Variants in ZBTB17 observed in about 807,000 individuals in gnomAD.
ZBTB17 encodes zinc finger and BTB domain-containing protein 17.
Under a neutral mutation model 85.1 loss-of-function variants are expected in ZBTB17, and 24 were observed. The observed-to-expected ratio is 0.28, with a 90% CI of 0.20 to 0.40. The LOEUF is 0.40. ZBTB17 is among the 10% of genes least tolerant of loss of function. ZBTB17 has a pLI of 1.00. For synonymous variants in ZBTB17, 464 were observed against 460.2 expected, an observed-to-expected ratio of 1.01 and a Z score of -0.11; for missense variants, 743 against 1,105.1, an observed-to-expected ratio of 0.67 and a Z score of 4.65.
chr1:15,960,628 G>C (rs1367528155), intron 2 of ZBTB17, among the ~76,000 whole-genome samples: 1 of 152,148 alleles, frequency 6.6e-6, no homozygotes, highest in African/African-American at 2.4e-5. Context: ...GATGGTAACC[G>C]CCACCTTCTT....
chr1:15,945,393 C>T (rs565169222), intron 6 of ZBTB17, among the ~76,000 whole-genome samples, 191 bp from the exon 7 acceptor site: 4 of 152,176 alleles, frequency 2.6e-5, no homozygotes, highest in Non-Finnish European at 5.9e-5. Context: ...CTGGGGTGGG[C>T]GCTGTCGGCC....
chr1:15,971,372 A>ACACACAC, intron 2 of ZBTB17, among the ~76,000 whole-genome samples: 1 of 112,364 alleles, frequency 8.9e-6, no homozygotes, highest in Admixed American at 8.3e-5. Flanking sequence ...ATATATATAT[A>ACACACAC]TACACACACT....
rs920779925 is a variant in ZBTB17 at position 15,952,016 on chromosome 1, G to A, written c.-2-3519C>T. 2.0e-5 allele frequency among the ~76,000 whole-genome samples: 3 copies of A among 152,178 alleles called. No individual in the cohort carries two copies. Among genetic ancestry groups the A allele is most frequent in the Non-Finnish European group, 4.4e-5 (3 of 68,036 alleles). On this transcript the variant is annotated intron_variant, in intron 2 of 15. Transcript: ENST00000375743. This position sits in a 1 kb window ranked among gnomAD's most constrained non-coding sequence, Gnocchi z 4.3. ...CGGTGCCCATCGCTCAAGCACAAGT[G>A]TCAAGGTCTGTGGTCTTGTCTTCAC...
Position 15,943,383 on chromosome 1 carries a change from G to A in ZBTB17, c.1697+16C>T. 6.3e-7 allele frequency: 1 copy of A among 1,585,906 alleles called. No individual in the cohort carries two copies. Among genetic ancestry groups the A allele is most frequent in the South Asian group, 1.2e-5 (1 of 86,068 alleles). On this transcript the variant is annotated intron_variant, in intron 12 of 15. Transcript: ENST00000375743. ...GTGGGGTGTCTGGCCAGTGGGTGTG[G>A]GGGAGGGGGCAGGACCTCTTGCCGC...
intron 4 of ZBTB17, 85 bp downstream of exon 4, chr1:15,946,850 T>A: frequency 6.8e-7 from 1 of 1,476,742 alleles, no homozygotes; most frequent in Non-Finnish European, 9.1e-7. Context: ...ATGAGGAAAC[T>A]GAGACCCAGA....
chr1:15,942,333 T>G lies in ZBTB17; in HGVS notation c.2126A>C (p.Glu709Ala). ...ISKAVKQVQE[E>A]DPNTHILYAC... The stretch of plus-strand genomic sequence containing the variant: ...CACACCCGGGTGGCCCCCCTCACCT[T>G]CTTCCTGCACTTGCTTCACAGCTTT... The change falls in exon 15 of 16, where the codon GAA becomes GCA. Residue 709 changes from glutamate to alanine, a missense_variant and splice_region_variant. This residue lies in a region of ZBTB17 where 321 missense variants were observed against 615.7 expected (regional missense o/e 0.52). Coordinates refer to ENST00000375743, the MANE Select transcript of ZBTB17 (RefSeq NM_003443.3). The G allele has an allele frequency of 6.2e-7, 1 of 1,613,974 alleles. No homozygotes were observed. Among genetic ancestry groups the G allele is most frequent in the Non-Finnish European group, 8.5e-7 (1 of 1,180,008 alleles).
At position 15,944,758 on chromosome 1, in the gene ZBTB17, G is replaced by T; in HGVS notation, c.1009C>A (p.Arg337=). The change falls in exon 8 of 16, where the codon CGG becomes AGG. Residue 337 remains arginine, a synonymous_variant. Coordinates refer to ENST00000375743, the MANE Select transcript of ZBTB17 (RefSeq NM_003443.3). The part of the protein sequence containing the change: ...IHTGEKPFSC[R]ECSKAFSDPA... The stretch of plus-strand genomic sequence containing the variant: ...TCGGAAAAGGCCTTGCTGCACTCCC[G>T]GCACGAGAAGGGCTTCTCCCCCGTG... 6.2e-7 allele frequency: 1 copy of T among 1,612,762 alleles called. No individual in the cohort carries two copies. The highest frequency in any genetic ancestry group is 8.5e-7 in the Non-Finnish European group (1 of 1,179,830).
Position 15,947,136 on chromosome 1 carries a change from G to A in ZBTB17, c.206-13C>T, listed in dbSNP as rs1462447450. ...ACCTGCCCCAGGCCTACCAAGGACA[G>A]GACAGCTGTCACAGACCCACCTCAA... is the stretch of plus-strand genomic sequence containing the variant. On this transcript the variant is annotated splice_polypyrimidine_tract_variant and intron_variant, in intron 3 of 15. Transcript: ENST00000375743. 2.5e-6 allele frequency: 4 copies of A among 1,598,056 alleles called. 1 individual carries two copies. The highest frequency in any genetic ancestry group is 1.1e-5 in the South Asian group (1 of 90,604).
chr1:15,947,118 C>G lies in ZBTB17; in HGVS notation c.211G>C (p.Gly71Arg). 1 of 1,608,462 alleles carries G rather than the reference C, an allele frequency of 6.2e-7. No individual in the cohort carries two copies. Among genetic ancestry groups the G allele is most frequent in the Middle Eastern group, 1.7e-4 (1 of 6,048 alleles). The stretch of plus-strand genomic sequence containing the variant: ...GTGTACATAAACTCCAGCACCTGCC[C>G]CAGGCCTACCAAGGACAGGACAGCT... Reference protein sequence around the residue: ...HLDISNAAGLGQVLEFMYTAK... With the variant: ...HLDISNAAGLRQVLEFMYTAK... The change falls in exon 4 of 16, where the codon GGG becomes CGG. Residue 71 changes from glycine to arginine, a missense_variant. Transcript: ENST00000375743.
chr1:15,943,460 T>C lies in ZBTB17; in HGVS notation c.1636A>G (p.Ile546Val), dbSNP rs1365977513. 1 of 1,611,502 alleles carries C rather than the reference T, an allele frequency of 6.2e-7. No individual in the cohort carries two copies. Among genetic ancestry groups the C allele is most frequent in the South Asian group, 1.1e-5 (1 of 90,878 alleles). Residue 546 changes from isoleucine (I) to valine (V), a missense_variant, in exon 12 of 16, where the codon ATC becomes GTC. Around this residue, in one of 4 missense-constraint regions of ZBTB17, gnomAD observed 321 missense variants for 615.7 expected, o/e 0.52. Transcript: ENST00000375743. ...CCGGTGTGCTGGCGCACGTGGGCGATGAGGGAGCTGGCCTGGGTGAAGGCC... is the reference window on the plus strand; with the variant it reads ...CCGGTGTGCTGGCGCACGTGGGCGACGAGGGAGCTGGCCTGGGTGAAGGCC... Reference protein sequence around the residue: ...GKAFTQASSLIAHVRQHTGEK... With the variant: ...GKAFTQASSLVAHVRQHTGEK...
chr1:15,942,978 G>A (rs2071425200), intron 13 of ZBTB17, 86 bp downstream of exon 13: 1 of 1,561,142 alleles, frequency 6.4e-7, no homozygotes, highest in Non-Finnish European at 8.7e-7. Context: ...CCGAGGCTGG[G>A]GTCTGGGGGG....
chr1:15,972,604 T>C (rs2072727216), intron 2 of ZBTB17, among the ~76,000 whole-genome samples: 1 of 152,164 alleles, frequency 6.6e-6, no homozygotes, highest in African/African-American at 2.4e-5. Context: ...AGATCATACA[T>C]GATGGCAGGA....
At chr1:15,971,294 G>A (rs1275439339) in intron 2 of ZBTB17, among the ~76,000 whole-genome samples, 11 of 151,110 alleles carry the variant, frequency 7.3e-5, no homozygotes, top group Non-Finnish European at 1.6e-4. Flanking sequence ...GTAGGTGGGT[G>A]GGTGGGGGAA....
intron 1 of ZBTB17, among the ~76,000 whole-genome samples, chr1:15,974,464 G>A (rs1246181605): frequency 1.3e-5 from 2 of 150,186 alleles, no homozygotes; most frequent in African/African-American, 2.4e-5. Context: ...GTAAGCCACC[G>A]CACCTGGCCA....
chr1:15,959,533 A>AGGC (rs1290442028), intron 2 of ZBTB17, among the ~76,000 whole-genome samples: 1 of 88,086 alleles, frequency 1.1e-5, no homozygotes. Context: ...GGGAGGGAGG[A>AGGC]AGGGAGGGAG....
intron 11 of ZBTB17, 32 bp from the exon 12 acceptor site, chr1:15,943,551 C>A: frequency 6.2e-7 from 1 of 1,611,798 alleles, no homozygotes; most frequent in Non-Finnish European, 8.5e-7. Flanking sequence ...TTGGTGCCTG[C>A]TCCTCTCCGT....
chr1:15,959,139 T>C (rs373578622), intron 2 of ZBTB17, among the ~76,000 whole-genome samples: 1 of 152,180 alleles, frequency 6.6e-6, no homozygotes, highest in African/African-American at 2.4e-5. Flanking sequence ...CTAAATACTA[T>C]TAAATCCTCT....
At chr1:15,957,076 A>G (rs2072070171) in intron 2 of ZBTB17, among the ~76,000 whole-genome samples, 1 of 151,388 alleles carries the variant, frequency 6.6e-6, no homozygotes, top group South Asian at 2.1e-4. Flanking sequence ...GCTACTCAAG[A>G]GGCTGAGGCA....
At chr1:15,944,234 G>T (rs1483489293) in intron 9 of ZBTB17, 66 bp downstream of exon 9, 7 of 1,539,322 alleles carry the variant, frequency 4.5e-6, no homozygotes, top group African/African-American at 1.4e-5. Flanking sequence ...GCCCCACCAC[G>T]TGGCATGCAT....
Sources: gnomAD v4.1 joint callset for allele counts (sites outside exome capture counted in the v4.1 genomes callset) on GRCh38, gnomAD v4.1.1 for gene constraint, gnomAD v4.1.1 regional missense constraint, Gnocchi (gnomAD v3.1) non-coding constraint, MANE v1.5 for transcripts, NCBI Gene and HGNC (gene_info 2026-07-23, HGNC 2026-07-21) for gene names.